Variants in UBE3C observed in about 807,000 individuals in gnomAD.
UBE3C encodes ubiquitin protein ligase E3C.
Under a neutral mutation model 129.4 loss-of-function variants are expected in UBE3C, and 42 were observed. That is an observed-to-expected ratio of 0.32 (90% CI 0.25 to 0.42). The LOEUF is 0.42. Ranked by LOEUF, UBE3C falls within the 10% of genes least tolerant of loss-of-function variation. The probability of loss-of-function intolerance (pLI) is 1.00; values close to 1 mark genes in which losing one functional copy is unlikely to be tolerated. For missense variants in UBE3C, 1,049 were observed against 1,319.1 expected, an observed-to-expected ratio of 0.80 and a Z score of 3.17; for synonymous variants, 510 against 492.4, an observed-to-expected ratio of 1.04 and a Z score of -0.47.
At chr7:157,173,921 C>T (rs76874580) in intron 4 of UBE3C, among the ~76,000 whole-genome samples, 8 of 152,114 alleles carry the variant, frequency 5.3e-5, no homozygotes, top group South Asian at 2.1e-4. Context: ...TTAAGACATG[C>T]GCTAATTTAT....
chr7:157,152,832 C>T (rs538949174), intron 1 of UBE3C, among the ~76,000 whole-genome samples: 34 of 152,294 alleles, frequency 2.2e-4, no homozygotes, highest in African/African-American at 6.7e-4. Flanking sequence ...ATCCTGCAGG[C>T]ACTGAGAAGG....
chr7:157,189,644 T>G (rs1352722883), intron 10 of UBE3C, among the ~76,000 whole-genome samples: 1 of 152,202 alleles, frequency 6.6e-6, no homozygotes, highest in African/African-American at 2.4e-5. Context: ...GTATTTCACA[T>G]TCCTCGTCCT....
intron 10 of UBE3C, among the ~76,000 whole-genome samples, chr7:157,200,547 A>C (rs1162758746): frequency 6.6e-6 from 1 of 152,242 alleles, no homozygotes; most frequent in Admixed American, 6.5e-5. Flanking sequence ...ATGCAGTATA[A>C]AACAGAGCTA....
chr7:157,139,950 A>G (rs947391500), intron 1 of UBE3C: 17 of 982,644 alleles, frequency 1.7e-5, no homozygotes, highest in African/African-American at 1.7e-5. Context: ...ATTTGCCACC[A>G]GCCTCCTGGA....
chr7:157,208,055 CTTTTTTTTTTT>C (rs35366316), intron 13 of UBE3C, 120 bp downstream of exon 13: 36 of 93,696 alleles, frequency 3.8e-4, no homozygotes, highest in South Asian at 1.4e-3. Flanking sequence ...ATTTGCAAGA[CTTTTTTTTTTT>C]TTTTTTTTTT....
At chr7:157,250,513 G>T (rs918947245) in intron 19 of UBE3C, among the ~76,000 whole-genome samples, 1 of 151,884 alleles carries the variant, frequency 6.6e-6, no homozygotes, top group Non-Finnish European at 1.5e-5. Context: ...ATAGACATGG[G>T]TGTCTCCCTA....
intron 1 of UBE3C, among the ~76,000 whole-genome samples, chr7:157,152,358 A>G (rs749173204): frequency 6.6e-6 from 1 of 152,126 alleles, no homozygotes; most frequent in Non-Finnish European, 1.5e-5. Flanking sequence ...GGTTTTAGAG[A>G]TGCGTGGGGG....
intron 1 of UBE3C, among the ~76,000 whole-genome samples, chr7:157,141,772 C>T (rs553096627): frequency 6.6e-6 from 1 of 152,338 alleles, no homozygotes; most frequent in East Asian, 1.9e-4. Flanking sequence ...GAGCCACTCA[C>T]CACTTGTCGT....
chr7:157,225,328 A>G, intron 16 of UBE3C, 79 bp from the exon 17 acceptor site: 2 of 1,488,272 alleles, frequency 1.3e-6, no homozygotes, highest in South Asian at 1.4e-5. Flanking sequence ...ACAAAAGATA[A>G]GATTTAGCAG....
intron 1 of UBE3C, among the ~76,000 whole-genome samples, chr7:157,149,490 A>G (rs564840329): frequency 1.3e-5 from 2 of 152,280 alleles, no homozygotes; most frequent in East Asian, 1.9e-4. Flanking sequence ...AGCACCATAC[A>G]GTATTTAAGG....
intron 10 of UBE3C, among the ~76,000 whole-genome samples, chr7:157,187,866 A>G (rs1808855602): frequency 6.6e-6 from 1 of 152,108 alleles, no homozygotes; most frequent in South Asian, 2.1e-4. Flanking sequence ...ATGAGCCACC[A>G]CACCCAGCCT....
At position 157,184,048 on chromosome 7, in the gene UBE3C, A is replaced by C. The variant is rs375693521; in HGVS notation, c.1143+19A>C. ...AAGCCCGGTAAGCCCCGTGCCCTGCATCTGGGGGGCTGCGATGCAGGCAGC... is the reference window on the plus strand; with the variant it reads ...AAGCCCGGTAAGCCCCGTGCCCTGCCTCTGGGGGGCTGCGATGCAGGCAGC... On this transcript the variant is annotated intron_variant, in intron 9 of 22. Coordinates refer to ENST00000348165, the MANE Select transcript of UBE3C (RefSeq NM_014671.3). 2.4e-4 allele frequency: 381 copies of C among 1,610,084 alleles called. 1 individual carries two copies. Among genetic ancestry groups the C allele is most frequent in the Non-Finnish European group, 3.1e-4 (362 of 1,177,476 alleles).
rs549963635 is a variant in UBE3C at position 157,219,718 on chromosome 7, G to A, written c.1915-971G>A. ...GTTCGAGACCACCCTGGCCAACATG[G>A]TGAAACCCCATCTCTGCTAAAAATA... On this transcript the variant is annotated intron_variant, in intron 14 of 22. Transcript: ENST00000348165. Among the ~76,000 whole-genome samples the A allele has an allele frequency of 3.9e-5, 6 of 152,230 alleles. No individual in the cohort carries two copies. The South Asian group carries it at 1.0e-3, about 26-fold the overall frequency.
At chr7:157,183,203 T>C (rs906390884) in intron 8 of UBE3C, among the ~76,000 whole-genome samples, 1 of 152,152 alleles carries the variant, frequency 6.6e-6, no homozygotes, top group Non-Finnish European at 1.5e-5. Context: ...GGAGATAATG[T>C]CAGATCCCAT....
chr7:157,220,539 TA>T, intron 14 of UBE3C, 149 bp from the exon 15 acceptor site: 1 of 702,668 alleles, frequency 1.4e-6, no homozygotes, highest in South Asian at 2.8e-5. Context: ...CCTGAAAAGG[TA>T]AAGCAAAAGG....
chr7:157,211,577 T>G (rs1809597183), intron 13 of UBE3C, among the ~76,000 whole-genome samples: 1 of 152,068 alleles, frequency 6.6e-6, no homozygotes, highest in Non-Finnish European at 1.5e-5. Context: ...CCTTGAGCAG[T>G]AGAATATAAA....
intron 17 of UBE3C, among the ~76,000 whole-genome samples, chr7:157,226,347 A>G (rs914672654): frequency 1.1e-4 from 17 of 152,206 alleles, no homozygotes; most frequent in African/African-American, 3.9e-4. Flanking sequence ...TCGTATGTTC[A>G]TATTTGATAC....
intron 18 of UBE3C, among the ~76,000 whole-genome samples, chr7:157,246,259 T>C (rs1796473914): frequency 6.6e-6 from 1 of 152,200 alleles, no homozygotes; most frequent in African/African-American, 2.4e-5. Flanking sequence ...TATTACTAAA[T>C]ACGGTAACTG....
At chr7:157,216,802 A>G (rs117396195) in intron 13 of UBE3C, 65 bp from the exon 14 acceptor site, 21,237 of 1,289,292 alleles carry the variant, frequency 0.016, 236 homozygotes, top group Non-Finnish European at 0.02. Flanking sequence ...GAGTGAATGT[A>G]TGGCTCACTG....
Sources: gnomAD v4.1 joint callset for allele counts (sites outside exome capture counted in the v4.1 genomes callset) on GRCh38, gnomAD v4.1.1 for gene constraint, MANE v1.5 for transcripts, NCBI Gene and HGNC (gene_info 2026-07-23, HGNC 2026-07-21) for gene names.